Variants in SMOC2 observed in about 807,000 individuals in gnomAD.
SMOC2 encodes the protein SPARC-related modular calcium-binding protein 2.
A neutral mutation model predicts 61.4 loss-of-function variants in SMOC2; 39 were observed. The ratio of observed to expected loss-of-function variants is 0.64; its 90% CI spans 0.49 to 0.83. The LOEUF (loss-of-function observed/expected upper bound fraction) is 0.83, where lower values mean the gene tolerates loss of function less well. SMOC2 is among the 40% of genes least tolerant of loss of function. The probability of loss-of-function intolerance (pLI) is 0.00; values close to 1 mark genes in which losing one functional copy is unlikely to be tolerated. For missense variants in SMOC2, 556 were observed against 592.9 expected (o/e 0.94, Z 0.65); for synonymous variants, 247 against 239.9 (o/e 1.03, Z -0.27).
intron 7 of SMOC2, among the ~76,000 whole-genome samples, chr6:168,552,012 T>C (rs1784141086): frequency 6.6e-6 from 1 of 152,206 alleles, no homozygotes; most frequent in Non-Finnish European, 1.5e-5. Context: ...TATAATTTGG[T>C]TTAAGTCAGC....
Position 168,666,460 on chromosome 6 carries a change from G to C in SMOC2, c.*22G>C. On this transcript the variant is annotated 3_prime_UTR_variant, in exon 13 of 13. Transcript: ENST00000356284. ...ATAAATGGCTCATACCCCGAAGGCA[G>C]TTCCTAGACACATGGGAAATTTCCC... The C allele has an allele frequency of 3.7e-6, 6 of 1,613,306 alleles. No individual in the cohort carries two copies. The highest frequency in any genetic ancestry group is 5.1e-6 in the Non-Finnish European group (6 of 1,179,782).
At chr6:168,474,943 G>A (rs185297542) in intron 1 of SMOC2, among the ~76,000 whole-genome samples, 188 of 152,262 alleles carry the variant, frequency 1.2e-3, no homozygotes, top group Non-Finnish European at 1.6e-3. Flanking sequence ...ATGTTTGTAA[G>A]TGATACCATA....
intron 4 of SMOC2, among the ~76,000 whole-genome samples, chr6:168,529,053 C>T (rs1369472719): frequency 6.6e-6 from 1 of 152,056 alleles, no homozygotes; most frequent in Non-Finnish European, 1.5e-5. Context: ...AAGGAGTGTC[C>T]CAAAGAACTT....
intron 9 of SMOC2, among the ~76,000 whole-genome samples, chr6:168,634,249 C>T (rs1786652960): frequency 6.6e-6 from 1 of 152,140 alleles, no homozygotes; most frequent in Admixed American, 6.5e-5. Context: ...GGCTGAGCCT[C>T]TGTTTACTCA....
chr6:168,582,914 AC>A (rs562631518), intron 7 of SMOC2, among the ~76,000 whole-genome samples: 67 of 152,110 alleles, frequency 4.4e-4, no homozygotes, highest in African/African-American at 1.5e-3. Flanking sequence ...TTCCACATGG[AC>A]ACTGTGGCGC....
chr6:168,638,031 T>G (rs1786789110), intron 9 of SMOC2, among the ~76,000 whole-genome samples: 1 of 135,202 alleles, frequency 7.4e-6, no homozygotes, highest in Admixed American at 7.4e-5. Context: ...CCTGCACATC[T>G]GCGCACTCCC....
chr6:168,470,668 C>T (rs1781950254), intron 1 of SMOC2, among the ~76,000 whole-genome samples: 1 of 151,928 alleles, frequency 6.6e-6, no homozygotes, highest in Non-Finnish European at 1.5e-5. Flanking sequence ...CAGAGCAGGA[C>T]TCCATCTGAA....
chr6:168,582,085 G>A (rs1176139162), intron 7 of SMOC2, among the ~76,000 whole-genome samples: 1 of 152,224 alleles, frequency 6.6e-6, no homozygotes, highest in African/African-American at 2.4e-5. Flanking sequence ...CCAGTTTGGA[G>A]ACTTTCTCTC....
chr6:168,615,182 CACACCTACAGCCAGCACAGGGCCTCTTT>C (rs1339789150), intron 9 of SMOC2, among the ~76,000 whole-genome samples: 26 of 72,674 alleles, frequency 3.6e-4, no homozygotes, highest in Non-Finnish European at 5.0e-4. Flanking sequence ...AGGGCCTCTT[CACACCTACAGCCAGCACAGGGCCTCTTT>C]ATACCTACAG....
chr6:168,646,966 A>G (rs1787048240), intron 9 of SMOC2, among the ~76,000 whole-genome samples: 1 of 152,034 alleles, frequency 6.6e-6, no homozygotes, highest in African/African-American at 2.4e-5. Flanking sequence ...TTTGAAAAGA[A>G]CAGTCTGGTT....
chr6:168,597,919 A>T (rs959771948), intron 7 of SMOC2, among the ~76,000 whole-genome samples: 5 of 152,270 alleles, frequency 3.3e-5, no homozygotes, highest in African/African-American at 1.2e-4. Context: ...CAGAAGATGG[A>T]TGTCAGACAT....
At chr6:168,597,779 T>A (rs1486234529) in intron 7 of SMOC2, among the ~76,000 whole-genome samples, 1 of 152,218 alleles carries the variant, frequency 6.6e-6, no homozygotes, top group Non-Finnish European at 1.5e-5. Context: ...GTGTTCCTGC[T>A]GCAGCCAACA....
At chr6:168,519,040 T>C (rs1453416729) in intron 2 of SMOC2, among the ~76,000 whole-genome samples, 2 of 150,636 alleles carry the variant, frequency 1.3e-5, no homozygotes, top group East Asian at 2.0e-4. Flanking sequence ...TGTGTATGTG[T>C]GCATGTGTGA....
rs60113269 is a variant in SMOC2 at position 168,528,267 on chromosome 6, G to GTTTTTT, written c.463+549_463+554dup. Among the ~76,000 whole-genome samples the GTTTTTT allele has an allele frequency of 7.3e-3, 994 of 136,524 alleles. 10 individuals are homozygous for GTTTTTT. The highest frequency in any genetic ancestry group is 0.018 in the South Asian group (74 of 4,196). 89.6% of individuals were successfully genotyped at this position (136,524 alleles called of 152,430 possible). On this transcript the variant is annotated intron_variant, in intron 4 of 12. Coordinates refer to ENST00000356284, the MANE Select transcript of SMOC2 (RefSeq NM_001166412.2). Reference sequence around the variant, plus strand: ...GTAAAATATTCTCTTTCCCATTAGTGTTTTTTTTTTTTTTGCCAATAGTGC... The same window carrying GTTTTTT: ...GTAAAATATTCTCTTTCCCATTAGTGTTTTTTTTTTTTTTTTTTTTGCCAATAGTGC...
At chr6:168,470,680 A>C (rs1226627380) in intron 1 of SMOC2, among the ~76,000 whole-genome samples, 1 of 152,200 alleles carries the variant, frequency 6.6e-6, no homozygotes, top group Non-Finnish European at 1.5e-5. Context: ...CCATCTGAAA[A>C]AAGTAAAATT....
intron 4 of SMOC2, among the ~76,000 whole-genome samples, chr6:168,531,325 G>T (rs1180382545): frequency 6.6e-6 from 1 of 152,172 alleles, no homozygotes; most frequent in East Asian, 1.9e-4. Flanking sequence ...TATCTTTTGT[G>T]CACTTTTCTG....
chr6:168,493,328 C>T lies in SMOC2; in HGVS notation c.85-16587C>T, dbSNP rs549305012. Among the ~76,000 whole-genome samples the T allele has an allele frequency of 2.2e-4, 33 of 152,280 alleles. 1 individual carries two copies. Among genetic ancestry groups the T allele is most frequent in the African/African-American group, 7.2e-4 (30 of 41,572 alleles). On this transcript the variant is annotated intron_variant, in intron 1 of 12. Coordinates refer to ENST00000356284, the MANE Select transcript of SMOC2 (RefSeq NM_001166412.2). ...CTGGGATTACAGGTGTGAGCCACCACACCTGGCCTCAAAAGTGATTTAGTT... is the reference window on the plus strand; with the variant it reads ...CTGGGATTACAGGTGTGAGCCACCATACCTGGCCTCAAAAGTGATTTAGTT...
In SMOC2 at chr6:168,666,705, G is replaced by A; in HGVS notation, c.*267G>A. On this transcript the variant is annotated 3_prime_UTR_variant, in exon 13 of 13. Transcript: ENST00000356284. ...GTGGAGAAGTATTTGAATGCATTTA[G>A]GCTTAATTTCTTCGCCTTCCACATG... The A allele has an allele frequency of 2.0e-6, 1 of 510,556 alleles. No individual in the cohort carries two copies. The highest frequency in any genetic ancestry group is 3.5e-6 in the Non-Finnish European group (1 of 282,620). The allele number at this position is 510,556 out of a possible 1,614,324, so 31.6% of individuals were successfully genotyped here.
At position 168,585,889 on chromosome 6, in the gene SMOC2, A is replaced by C. The variant is rs145609316; in HGVS notation, c.638-12929A>C. 4.0e-3 allele frequency among the ~76,000 whole-genome samples: 603 copies of C among 152,208 alleles called. 4 individuals are homozygous for C. Among genetic ancestry groups the C allele is most frequent in the African/African-American group, 0.014 (567 of 41,532 alleles). Reference sequence around the variant, plus strand: ...TTGATTTGCAGACGTTGTTTATAGCACCTGGAGTCTTTGTCAGCTGTGTAT... The same window carrying C: ...TTGATTTGCAGACGTTGTTTATAGCCCCTGGAGTCTTTGTCAGCTGTGTAT... On this transcript the variant is annotated intron_variant, in intron 7 of 12. Coordinates refer to ENST00000356284, the MANE Select transcript of SMOC2 (RefSeq NM_001166412.2).
Sources: gnomAD v4.1 joint callset for allele counts (sites outside exome capture counted in the v4.1 genomes callset) on GRCh38, gnomAD v4.1.1 for gene constraint, MANE v1.5 for transcripts, NCBI Gene and HGNC (gene_info 2026-07-23, HGNC 2026-07-21) for gene names.